Variants in TCAIM observed in about 807,000 individuals in gnomAD.
TCAIM encodes T cell activation inhibitor, mitochondrial.
A neutral mutation model predicts 58.6 loss-of-function variants in TCAIM; 36 were observed. That is an observed-to-expected ratio of 0.61 (90% CI 0.47 to 0.81). The LOEUF is 0.81. Ranked by LOEUF, TCAIM falls within the 30% of genes least tolerant of loss-of-function variation. The probability of loss-of-function intolerance (pLI) is 0.00; values close to 1 mark genes in which losing one functional copy is unlikely to be tolerated. For missense variants in TCAIM, 466 were observed against 579.6 expected (o/e 0.80, Z 2.01); for synonymous variants, 172 against 193.6 (o/e 0.89, Z 0.93).
intron 5 of TCAIM, among the ~76,000 whole-genome samples, chr3:44,377,834 AAAG>A (rs1166194755): frequency 2.0e-5 from 3 of 152,214 alleles, no homozygotes; most frequent in African/African-American, 4.8e-5. Flanking sequence ...TTAAAAATAA[AAAG>A]AAATCCCAAG....
chr3:44,371,199 A>ACCGTGCCTGGC (rs1186164605), intron 5 of TCAIM, among the ~76,000 whole-genome samples: 2 of 151,750 alleles, frequency 1.3e-5, no homozygotes, highest in Non-Finnish European at 2.9e-5. Context: ...GGCATGAGCC[A>ACCGTGCCTGGC]CCGTGCCTGG....
chr3:44,400,954 C>G (rs1702012963), intron 9 of TCAIM: 2 of 513,262 alleles, frequency 3.9e-6, no homozygotes, highest in Non-Finnish European at 6.9e-6. Context: ...CTCTCACAAC[C>G]TCACTGTGCA....
chr3:44,358,310 T>C, intron 3 of TCAIM: 1 of 866,094 alleles, frequency 1.2e-6, no homozygotes, highest in Non-Finnish European at 1.9e-6. Context: ...TAATGTGTGC[T>C]CCAGGAATAC....
intron 5 of TCAIM, among the ~76,000 whole-genome samples, chr3:44,369,811 A>G (rs1307181553): frequency 6.6e-6 from 1 of 152,200 alleles, no homozygotes; most frequent in Non-Finnish European, 1.5e-5. Context: ...TCCATCCAGT[A>G]TTTTCATTGA....
intron 2 of TCAIM, among the ~76,000 whole-genome samples, chr3:44,356,689 G>C (rs982465899): frequency 1.3e-5 from 2 of 151,894 alleles, no homozygotes; most frequent in East Asian, 3.9e-4. Flanking sequence ...ATCACGGCCA[G>C]GTATGGTGGC....
intron 5 of TCAIM, among the ~76,000 whole-genome samples, chr3:44,376,242 T>C (rs908875348): frequency 2.6e-5 from 4 of 152,354 alleles, no homozygotes; most frequent in African/African-American, 9.6e-5. Flanking sequence ...GTGGTGGTGG[T>C]TGTACACTTC....
At chr3:44,359,078 AT>A (rs1230362986) in intron 3 of TCAIM, 14 of 981,946 alleles carry the variant, frequency 1.4e-5, no homozygotes, top group East Asian at 2.3e-4. Flanking sequence ...CTACCAATGT[AT>A]TTTTTTTAAT....
chr3:44,378,829 G>A (rs1413470877), intron 5 of TCAIM, among the ~76,000 whole-genome samples: 1 of 150,930 alleles, frequency 6.6e-6, no homozygotes, highest in Non-Finnish European at 1.5e-5. Context: ...TAATACCACA[G>A]TGAGATACCA....
In TCAIM at chr3:44,345,141, GAGC is replaced by G. The variant is rs368812022; in HGVS notation, c.-45+6310_-45+6312del. Among the ~76,000 whole-genome samples, 313 of 152,224 alleles carry G rather than the reference GAGC, an allele frequency of 2.1e-3. 1 individual carries two copies. The highest frequency in any genetic ancestry group is 6.4e-3 in the African/African-American group (265 of 41,544). Reference sequence around the variant, plus strand: ...GGGCGACGTTTCTCAGGGCTGCTTCGAGCAGGATTGGGGCGGCGTGGGAACCTA... The same window carrying G: ...GGGCGACGTTTCTCAGGGCTGCTTCGAGGATTGGGGCGGCGTGGGAACCTA... On this transcript the variant is annotated intron_variant, in intron 1 of 10. Coordinates refer to ENST00000342649, the MANE Select transcript of TCAIM (RefSeq NM_173826.4).
At chr3:44,341,250 G>A (rs1162758535) in intron 1 of TCAIM, 1 of 152,010 alleles carries the variant, frequency 6.6e-6, no homozygotes, top group Non-Finnish European at 1.5e-5. Flanking sequence ...CCAGAACACT[G>A]TCTTTAAAAA....
At chr3:44,398,030 A>G (rs1701961570) in intron 8 of TCAIM, among the ~76,000 whole-genome samples, 2 of 151,270 alleles carry the variant, frequency 1.3e-5, no homozygotes, top group South Asian at 4.1e-4. Flanking sequence ...AAAAAAAAAA[A>G]CAACTAAAAA....
intron 5 of TCAIM, among the ~76,000 whole-genome samples, chr3:44,378,661 A>G (rs1343168829): frequency 6.6e-6 from 1 of 152,010 alleles, no homozygotes; most frequent in Non-Finnish European, 1.5e-5. Context: ...AATACAAAAA[A>G]TTAGCCAGGC....
intron 5 of TCAIM, among the ~76,000 whole-genome samples, chr3:44,386,231 A>AAC (rs1701739246): frequency 1.3e-5 from 2 of 151,562 alleles, no homozygotes; most frequent in African/African-American, 4.9e-5. Context: ...AAAAAAAAAA[A>AAC]ACACTTTAAA....
At chr3:44,351,863 T>G (rs1393088364) in intron 1 of TCAIM, among the ~76,000 whole-genome samples, 1 of 152,158 alleles carries the variant, frequency 6.6e-6, no homozygotes, top group Non-Finnish European at 1.5e-5. Context: ...GCCACATCAG[T>G]CAACCTGGAA....
chr3:44,386,209 C>CAAA (rs10576012), intron 5 of TCAIM, among the ~76,000 whole-genome samples: 1,122 of 53,864 alleles, frequency 0.021, 9 homozygotes, highest in African/African-American at 0.028. Flanking sequence ...CCAGAAGCTC[C>CAAA]AAAAAAAAAA....
intron 1 of TCAIM, among the ~76,000 whole-genome samples, chr3:44,341,706 C>CT (rs1203858874): frequency 6.6e-6 from 1 of 150,924 alleles, no homozygotes; most frequent in Non-Finnish European, 1.5e-5. Flanking sequence ...TTAATACACT[C>CT]TGACATAATA....
intron 2 of TCAIM, among the ~76,000 whole-genome samples, chr3:44,356,648 C>G (rs1000137924): frequency 1.3e-5 from 2 of 151,858 alleles, no homozygotes; most frequent in Non-Finnish European, 2.9e-5. Flanking sequence ...AAAACACTCC[C>G]AGGTGGGTTA....
intron 7 of TCAIM, 123 bp downstream of exon 7, chr3:44,396,620 A>G (rs1701939482): frequency 7.1e-7 from 1 of 1,401,946 alleles, no homozygotes. Flanking sequence ...TGAATAAAGC[A>G]GTGGCATAAA....
chr3:44,353,576 A>T, intron 1 of TCAIM, among the ~76,000 whole-genome samples: 1 of 152,224 alleles, frequency 6.6e-6, no homozygotes, highest in East Asian at 1.9e-4. Flanking sequence ...CTGTTGCCAC[A>T]CATCCTTATC....
Sources: allele counts gnomAD v4.1 joint callset (sites outside exome capture counted in the v4.1 genomes callset), GRCh38; gene constraint gnomAD v4.1.1; transcripts MANE v1.5; gene names NCBI Gene and HGNC (gene_info 2026-07-23, HGNC 2026-07-21).